The following RASA3 variants were observed in gnomAD, a reference collection of about 807,000 sequenced individuals.
The protein encoded by RASA3 is ras GTPase-activating protein 3.
Under a neutral mutation model 110.0 loss-of-function variants are expected in RASA3, and 73 were observed. The observed-to-expected ratio is 0.66, with a 90% CI of 0.55 to 0.81. The LOEUF is 0.81. Among genes scored for constraint, RASA3 ranks in the 30% least tolerant of loss-of-function variants. The pLI is 0.00. For missense variants in RASA3, 976 were observed against 1,113.2 expected, an observed-to-expected ratio of 0.88 and a Z score of 1.75; for synonymous variants, 500 against 451.4, an observed-to-expected ratio of 1.11 and a Z score of -1.37.
intron 2 of RASA3, among the ~76,000 whole-genome samples, chr13:114,052,901 G>C (rs9590538): frequency 2.0e-3 from 162 of 79,112 alleles, no homozygotes; most frequent in African/African-American, 7.2e-3. Flanking sequence ...TTAGAGTCCT[G>C]GCTCCTGGGG....
intron 16 of RASA3, among the ~76,000 whole-genome samples, chr13:114,010,810 T>TGGGGAGG (rs1225559439): frequency 3.6e-4 from 4 of 11,032 alleles, no homozygotes; most frequent in Non-Finnish European, 3.9e-4. Flanking sequence ...GCGAGGGGAG[T>TGGGGAGG]AGGGGGCTGC....
At chr13:114,095,495 G>A (rs2079930331) in intron 1 of RASA3, among the ~76,000 whole-genome samples, 1 of 152,112 alleles carries the variant, frequency 6.6e-6, no homozygotes, top group African/African-American at 2.4e-5. Flanking sequence ...CACACATGTG[G>A]CCTCCTGCAC....
At chr13:114,122,711 A>AG (rs1491263585) in intron 1 of RASA3, among the ~76,000 whole-genome samples, 1 of 132,252 alleles carries the variant, frequency 7.6e-6, no homozygotes, top group Non-Finnish European at 1.7e-5. Flanking sequence ...GCCTCCACAC[A>AG]GGGGGACGCA....
rs1407709387 is a variant in RASA3, at chr13:114,007,595, C to T, written c.1680G>A (p.Leu560=). The change falls in exon 18 of 24, where the codon CTG becomes CTA. Residue 560 remains leucine (L), a synonymous_variant. Transcript: ENST00000334062. Reference sequence around the variant, plus strand: ...GGTCTCTTCTCCCCGAGGACGAAATCAGATCCAAGAACTAAAGTTGGAAGA... The same window carrying T: ...GGTCTCTTCTCCCCGAGGACGAAATTAGATCCAAGAACTAAAGTTGGAAGA... ...YADAVKNFLD[L]ISSSGRRDPK... 1.2e-6 allele frequency: 2 copies of T among 1,612,866 alleles called. No homozygotes were observed. The highest frequency in any genetic ancestry group is 2.2e-5 in the South Asian group (2 of 91,064).
chr13:114,060,926 GCCCCCACAGCCGGCAGACGGAGC>G (rs1566539789), intron 2 of RASA3, among the ~76,000 whole-genome samples: 29 of 150,984 alleles, frequency 1.9e-4, no homozygotes, highest in African/African-American at 7.1e-4. Context: ...GGCAGACGGA[GCCCCCACAGCCGGCAGACGGAGC>G]CCCCCACAGC....
chr13:114,023,432 G>A (rs28517873), intron 8 of RASA3, among the ~76,000 whole-genome samples: 107,619 of 152,184 alleles, frequency 0.71, 38,894 homozygotes, highest in African/African-American at 0.87. Flanking sequence ...TCCAGCATGG[G>A]AAGATTCGGG....
At chr13:114,052,250 A>G (rs2139557313) in intron 2 of RASA3, 95 bp from the exon 3 acceptor site, 5 of 788,928 alleles carry the variant, frequency 6.3e-6, no homozygotes, top group East Asian at 5.4e-5. Flanking sequence ...TAAACATGCC[A>G]TAAGAATGCC....
intron 10 of RASA3, 137 bp from the exon 11 acceptor site, chr13:114,018,389 A>C: frequency 8.2e-7 from 1 of 1,218,498 alleles, no homozygotes; most frequent in African/African-American, 1.5e-5. Context: ...CACATTCACA[A>C]AAACACCAAA....
intron 1 of RASA3, among the ~76,000 whole-genome samples, chr13:114,079,891 G>A (rs117281052): frequency 0.05 from 7,327 of 147,526 alleles, 209 homozygotes; most frequent in Middle Eastern, 0.1. Flanking sequence ...GGCTGACTGC[G>A]GTGCAGAGGC....
At chr13:114,081,373 C>A (rs1439778533) in intron 1 of RASA3, among the ~76,000 whole-genome samples, 1 of 152,196 alleles carries the variant, frequency 6.6e-6, no homozygotes, top group Admixed American at 6.5e-5. Flanking sequence ...TGCAGTATAA[C>A]TCTCAAGGCG....
At chr13:114,030,503 GCAAGAC>G (rs2054139206) in intron 4 of RASA3, among the ~76,000 whole-genome samples, 1 of 107,012 alleles carries the variant, frequency 9.3e-6, no homozygotes, top group African/African-American at 3.3e-5. Flanking sequence ...CACACAGAGG[GCAAGAC>G]TCACACAGAG....
intron 9 of RASA3, among the ~76,000 whole-genome samples, chr13:114,019,269 G>C (rs938467575): frequency 1.3e-5 from 2 of 152,244 alleles, no homozygotes; most frequent in East Asian, 3.8e-4. Context: ...AGGTGGAAAT[G>C]AAAATTATCT....
chr13:114,057,886 G>A lies in RASA3; in HGVS notation c.174-5731C>T, dbSNP rs549546888. ...CTCGGCCTGCAGGATGGAGGCTGGAGAGCTGCCATCCTAGCGCACACTGGG... is the reference window on the plus strand; with the variant it reads ...CTCGGCCTGCAGGATGGAGGCTGGAAAGCTGCCATCCTAGCGCACACTGGG... On this transcript the variant is annotated intron_variant, in intron 2 of 23. Coordinates refer to ENST00000334062, the MANE Select transcript of RASA3 (RefSeq NM_007368.4). This position sits in a 1 kb window ranked among gnomAD's most constrained non-coding sequence, Gnocchi z 5.0. 6.6e-6 allele frequency among the ~76,000 whole-genome samples: 1 copy of A among 152,344 alleles called. No homozygotes were observed. Among genetic ancestry groups the A allele is most frequent in the African/African-American group, 2.4e-5 (1 of 41,572 alleles).
At chr13:114,012,847 A>C (rs1594319544) in intron 15 of RASA3, among the ~76,000 whole-genome samples, 1 of 83,748 alleles carries the variant, frequency 1.2e-5, no homozygotes, top group African/African-American at 5.1e-5. Context: ...TTCCACACAC[A>C]CTCCCCACTC....
At chr13:114,077,774 C>T (rs1394476386) in intron 1 of RASA3, 1 of 967,194 alleles carries the variant, frequency 1.0e-6, no homozygotes, top group Non-Finnish European at 1.2e-6. Flanking sequence ...CCAGGTTCCT[C>T]CCTCCCCGCC....
At chr13:114,063,930 T>G (rs2079403389) in intron 2 of RASA3, among the ~76,000 whole-genome samples, 1 of 152,258 alleles carries the variant, frequency 6.6e-6, no homozygotes, top group Admixed American at 6.5e-5. Flanking sequence ...CATCTTTTTA[T>G]GAGCAGTTTT....
At chr13:114,104,306 A>C (rs1240582064) in intron 1 of RASA3, among the ~76,000 whole-genome samples, 1 of 105,806 alleles carries the variant, frequency 9.5e-6, no homozygotes, top group Non-Finnish European at 1.8e-5. Context: ...GGCCACGGAC[A>C]CCCACCCCCG....
chr13:113,998,927 G>A (rs919880267), intron 20 of RASA3, among the ~76,000 whole-genome samples: 3 of 152,246 alleles, frequency 2.0e-5, no homozygotes, highest in Non-Finnish European at 2.9e-5. Context: ...TCGCGCCGGC[G>A]ACGTGCGATG....
At chr13:113,994,943 C>A (rs1020949992) in intron 21 of RASA3, among the ~76,000 whole-genome samples, 1 of 152,226 alleles carries the variant, frequency 6.6e-6, no homozygotes, top group African/African-American at 2.4e-5. Context: ...CACTGTACTC[C>A]AGCCCGGGTG....
Sources: allele counts gnomAD v4.1 joint callset (sites outside exome capture counted in the v4.1 genomes callset), GRCh38; gene constraint gnomAD v4.1.1; non-coding constraint Gnocchi (gnomAD v3.1); transcripts MANE v1.5; gene names NCBI Gene and HGNC (gene_info 2026-07-23, HGNC 2026-07-21).